ANO4: variants seen among roughly 807,000 people sequenced by gnomAD.
ANO4 encodes the protein anoctamin-4.
ANO4 carries 69 observed loss-of-function variants against 141.9 expected under a neutral mutation model. The ratio of observed to expected loss-of-function variants is 0.49; its 90% CI spans 0.40 to 0.59. ANO4 has a LOEUF of 0.59. ANO4 is among the 20% of genes least tolerant of loss of function. ANO4 has a pLI of 0.00. For synonymous variants in ANO4, 350 were observed against 394.3 expected (o/e 0.89, Z 1.33); for missense variants, 894 against 1,162.2 (o/e 0.77, Z 3.36).
At chr12:100,986,951 C>T (rs536095245) in intron 7 of ANO4, among the ~76,000 whole-genome samples, 1 of 152,236 alleles carries the variant, frequency 6.6e-6, no homozygotes, top group South Asian at 2.1e-4. Flanking sequence ...GCCCTAGCAC[C>T]ATGAGAACCA....
At chr12:100,874,251 A>ACTGGGGC (rs1409900741) in intron 1 of ANO4, among the ~76,000 whole-genome samples, 1 of 152,176 alleles carries the variant, frequency 6.6e-6, no homozygotes, top group Admixed American at 6.5e-5. Context: ...AGAGTCCTTC[A>ACTGGGGC]CTGGGGCACT....
chr12:100,841,160 A>C (rs1265951840), intron 1 of ANO4, among the ~76,000 whole-genome samples: 1 of 152,198 alleles, frequency 6.6e-6, no homozygotes, highest in Non-Finnish European at 1.5e-5. Flanking sequence ...TGGTAAATAC[A>C]CTTGGGAAAT....
At chr12:101,073,885 A>C (rs2048923368) in intron 14 of ANO4, among the ~76,000 whole-genome samples, 1 of 152,044 alleles carries the variant, frequency 6.6e-6, no homozygotes, top group African/African-American at 2.4e-5. Context: ...TTTTATTTTT[A>C]TTTTTATTTG....
intron 8 of ANO4, among the ~76,000 whole-genome samples, chr12:101,018,357 C>T (rs1414463861): frequency 2.0e-5 from 3 of 152,180 alleles, no homozygotes; most frequent in Admixed American, 1.3e-4. Context: ...ATCGCTCATC[C>T]ACCAACTCAA....
chr12:100,985,990 G>A (rs191769563), intron 7 of ANO4, among the ~76,000 whole-genome samples: 2 of 152,236 alleles, frequency 1.3e-5, no homozygotes, highest in East Asian at 1.9e-4. Flanking sequence ...GAAGAGATTA[G>A]CATTCAAATC....
At chr12:100,981,354 A>G (rs1455734642) in intron 7 of ANO4, among the ~76,000 whole-genome samples, 1 of 151,946 alleles carries the variant, frequency 6.6e-6, no homozygotes, top group Non-Finnish European at 1.5e-5. Context: ...AAACAAATTC[A>G]TGCCTCTGCT....
intron 25 of ANO4, among the ~76,000 whole-genome samples, chr12:101,119,413 C>A (rs2050990426): frequency 6.6e-6 from 1 of 152,088 alleles, no homozygotes; most frequent in Non-Finnish European, 1.5e-5. Flanking sequence ...AAGATCGCAC[C>A]ACTGCACTCC....
intron 3 of ANO4, among the ~76,000 whole-genome samples, chr12:100,778,696 G>T (rs2373383): frequency 6.6e-6 from 1 of 151,960 alleles, no homozygotes; most frequent in African/African-American, 2.4e-5. Flanking sequence ...TTGTAAATTC[G>T]GGTTACGGCT....
intron 3 of ANO4, among the ~76,000 whole-genome samples, chr12:100,789,373 C>G (rs971730993): frequency 3.3e-5 from 5 of 152,140 alleles, no homozygotes; most frequent in African/African-American, 1.2e-4. Flanking sequence ...AGTCACTGGC[C>G]TCCTAGGCTG....
chr12:100,983,444 C>T (rs1025549004), intron 7 of ANO4, among the ~76,000 whole-genome samples: 3 of 152,198 alleles, frequency 2.0e-5, no homozygotes, highest in African/African-American at 7.2e-5. Context: ...TTCAGGGTTT[C>T]CCAAGGCTGC....
chr12:101,049,213 A>T (rs374255263), intron 14 of ANO4, among the ~76,000 whole-genome samples: 2 of 152,288 alleles, frequency 1.3e-5, no homozygotes, highest in African/African-American at 4.8e-5. Context: ...CTATAACTTT[A>T]ATTGCCAAAA....
rs565412977 is a variant in ANO4 at position 100,901,722 on chromosome 12, G to A, written c.-64G>A. 48 of 1,475,104 alleles carry A rather than the reference G, an allele frequency of 3.3e-5. No individual in the cohort carries two copies. Among genetic ancestry groups the A allele is most frequent in the Middle Eastern group, 1.7e-4 (1 of 5,794 alleles). 91.4% of individuals were successfully genotyped at this position (1,475,104 alleles called of 1,614,324 possible). On this transcript the variant is annotated 5_prime_UTR_variant, in exon 2 of 28. Coordinates refer to ENST00000392977, the MANE Select transcript of ANO4 (RefSeq NM_001286615.2). The stretch of plus-strand genomic sequence containing the variant: ...GGCGAAGTGTGGCAAGCCGCCCAGC[G>A]TCACGTCGTCGCCTGCCTGTGGTCA...
intron 1 of ANO4, among the ~76,000 whole-genome samples, chr12:100,879,892 T>G (rs144962664): frequency 7.2e-5 from 11 of 152,288 alleles, no homozygotes; most frequent in African/African-American, 2.4e-4. Flanking sequence ...AAAATTTCAC[T>G]GAAGTTCACA....
At chr12:101,070,018 G>A (rs1391156430) in intron 14 of ANO4, among the ~76,000 whole-genome samples, 1 of 151,558 alleles carries the variant, frequency 6.6e-6, no homozygotes, top group Non-Finnish European at 1.5e-5. Flanking sequence ...AAATTGAAGA[G>A]GACACAAAAA....
At chr12:100,798,752 C>T (rs2034501416) in intron 1 of ANO4, among the ~76,000 whole-genome samples, 1 of 152,198 alleles carries the variant, frequency 6.6e-6, no homozygotes, top group East Asian at 1.9e-4. Flanking sequence ...CTATGTTTAG[C>T]ATTTAATTCT....
intron 8 of ANO4, among the ~76,000 whole-genome samples, chr12:100,991,634 A>C (rs2045113348): frequency 6.6e-6 from 1 of 151,690 alleles, no homozygotes; most frequent in South Asian, 2.1e-4. Flanking sequence ...TCTGGTTGAG[A>C]TGTACTCATC....
At chr12:100,879,070 G>C (rs2039446922) in intron 1 of ANO4, among the ~76,000 whole-genome samples, 1 of 152,148 alleles carries the variant, frequency 6.6e-6, no homozygotes, top group South Asian at 2.1e-4. Flanking sequence ...ACAGGAAAGA[G>C]TGTTAAATGA....
intron 1 of ANO4, among the ~76,000 whole-genome samples, chr12:100,863,861 C>G (rs993007294): frequency 2.0e-5 from 3 of 152,200 alleles, no homozygotes; most frequent in African/African-American, 7.2e-5. Flanking sequence ...CCTATACCCA[C>G]AGTGGACTGA....
At chr12:100,799,658 T>C (rs1175556897) in intron 1 of ANO4, among the ~76,000 whole-genome samples, 1 of 152,108 alleles carries the variant, frequency 6.6e-6, no homozygotes, top group East Asian at 1.9e-4. Context: ...AGAGAATCAC[T>C]TGAACCCAGG....
Sources: allele counts gnomAD v4.1 joint callset (sites outside exome capture counted in the v4.1 genomes callset), GRCh38; gene constraint gnomAD v4.1.1; transcripts MANE v1.5; gene names NCBI Gene and HGNC (gene_info 2026-07-23, HGNC 2026-07-21).